The following ST7L variants were observed in gnomAD, a reference collection of about 807,000 sequenced individuals.
ST7L encodes the protein suppression of tumorigenicity 7 like, also known as suppressor of tumorigenicity 7 protein-like.
Under a neutral mutation model 72.5 loss-of-function variants are expected in ST7L, and 57 were observed. The observed-to-expected ratio is 0.79, with a 90% CI of 0.64 to 0.98. The LOEUF (loss-of-function observed/expected upper bound fraction) is 0.98. Among genes scored for constraint, ST7L ranks in the 50% least tolerant of loss-of-function variants. ST7L has a pLI of 0.00. For synonymous variants in ST7L, 221 were observed against 240.9 expected, an observed-to-expected ratio of 0.92 and a Z score of 0.77; for missense variants, 576 against 672.2, an observed-to-expected ratio of 0.86 and a Z score of 1.58.
chr1:112,556,687 A>G (rs1659161911), intron 11 of ST7L, among the ~76,000 whole-genome samples: 1 of 152,126 alleles, frequency 6.6e-6, no homozygotes, highest in South Asian at 2.1e-4. Flanking sequence ...AGGTATACAC[A>G]ATGTACAAGG....
intron 5 of ST7L, among the ~76,000 whole-genome samples, chr1:112,596,579 T>C (rs949438209): frequency 2.0e-5 from 3 of 152,164 alleles, no homozygotes; most frequent in Admixed American, 2.0e-4. Context: ...CCTAGGCAAG[T>C]ATTAGCTATT....
chr1:112,532,018 G>A (rs975868190), intron 14 of ST7L, among the ~76,000 whole-genome samples: 1 of 152,108 alleles, frequency 6.6e-6, no homozygotes, highest in African/African-American at 2.4e-5. Flanking sequence ...TATTACAAGA[G>A]CTAAAATTCA....
Position 112,616,825 on chromosome 1 carries a change from T to C in ST7L, c.276A>G (p.Ser92=). Residue 92 remains serine, a synonymous_variant, in exon 2 of 15, where the codon TCA becomes TCG. Transcript: ENST00000358039. ...VALTGTSSLI[S]GLIFIFEWWY... The stretch of plus-strand genomic sequence containing the variant: ...GGAAACTACTTACAAATATTAGTCC[T>C]GATATCAATGAAGAGGTCCCTGTAA... The C allele has an allele frequency of 4.4e-6, 7 of 1,600,444 alleles. No homozygotes were observed. The highest frequency in any genetic ancestry group is 6.0e-6 in the Non-Finnish European group (7 of 1,172,778).
chr1:112,538,445 C>A (rs746186772), intron 14 of ST7L, among the ~76,000 whole-genome samples: 1 of 152,116 alleles, frequency 6.6e-6, no homozygotes, highest in Non-Finnish European at 1.5e-5. Context: ...CAGGCTCAAG[C>A]GATCCTCCCA....
upstream of ST7L, chr1:112,619,321 G>T: frequency 1.6e-6 from 1 of 607,240 alleles, no homozygotes; most frequent in Non-Finnish European, 2.9e-6. Flanking sequence ...GGGGCGGACA[G>T]CAGCGCCTAT....
intron 2 of ST7L, 138 bp downstream of exon 2, chr1:112,616,675 G>T (rs182423478): frequency 1.7e-5 from 9 of 526,046 alleles, no homozygotes; most frequent in Admixed American, 1.2e-4. Flanking sequence ...CCTGGAAGGC[G>T]GAAGTTGCAG....
intron 11 of ST7L, among the ~76,000 whole-genome samples, chr1:112,560,176 C>T (rs533002455): frequency 6.6e-6 from 1 of 152,068 alleles, no homozygotes; most frequent in East Asian, 2.0e-4. Flanking sequence ...GGGAGGATCA[C>T]GAGGTTAGGA....
At chr1:112,615,213 C>T (rs1463456182) in intron 2 of ST7L, among the ~76,000 whole-genome samples, 1 of 151,922 alleles carries the variant, frequency 6.6e-6, no homozygotes, top group Non-Finnish European at 1.5e-5. Context: ...CCAGGCTGGT[C>T]TCGAACTCTA....
chr1:112,562,691 G>T (rs1227625645), intron 11 of ST7L, among the ~76,000 whole-genome samples: 1 of 152,104 alleles, frequency 6.6e-6, no homozygotes, highest in African/African-American at 2.4e-5. Flanking sequence ...CAAAGAGTAA[G>T]GCTGGAGACA....
intron 8 of ST7L, 28 bp downstream of exon 8, chr1:112,582,347 G>A (rs371882128): frequency 1.1e-5 from 16 of 1,486,230 alleles, no homozygotes; most frequent in Admixed American, 3.5e-5. Context: ...AGGAATAAAT[G>A]TAATAGTCCC....
chr1:112,601,535 G>A (rs892002932), intron 3 of ST7L, among the ~76,000 whole-genome samples: 6 of 151,860 alleles, frequency 4.0e-5, no homozygotes, highest in Admixed American at 2.6e-4. Context: ...GTGAGCCACC[G>A]CGCCTGGCCA....
chr1:112,607,627 G>A (rs1223177795), intron 3 of ST7L: 1 of 151,830 alleles, frequency 6.6e-6, no homozygotes, highest in East Asian at 1.9e-4. Context: ...AGGCAGAATG[G>A]AGTCACGATG....
At chr1:112,551,209 C>T (rs1047080545) in intron 12 of ST7L, among the ~76,000 whole-genome samples, 29 of 125,928 alleles carry the variant, frequency 2.3e-4, no homozygotes, top group African/African-American at 7.8e-4. Context: ...AGTGCAGTGG[C>T]GTGATCTTGG....
intron 14 of ST7L, chr1:112,527,230 C>G (rs1400322233): frequency 6.6e-6 from 1 of 152,328 alleles, no homozygotes; most frequent in Non-Finnish European, 1.5e-5. Flanking sequence ...CAATGTTCAT[C>G]AATCATAGCT....
chr1:112,564,410 T>A (rs1660633703), intron 11 of ST7L, among the ~76,000 whole-genome samples: 1 of 152,170 alleles, frequency 6.6e-6, no homozygotes, highest in Non-Finnish European at 1.5e-5. Flanking sequence ...ACACTTCTCC[T>A]TTGCTCTCTT....
intron 4 of ST7L, among the ~76,000 whole-genome samples, chr1:112,599,777 A>C (rs1470400384): frequency 6.6e-6 from 1 of 152,232 alleles, no homozygotes; most frequent in African/African-American, 2.4e-5. Flanking sequence ...CCAGGGGCCT[A>C]ATACATACTT....
At chr1:112,540,836 A>C (rs199671479) in intron 14 of ST7L, 1 of 1,289,214 alleles carries the variant, frequency 7.8e-7, no homozygotes, top group Non-Finnish European at 1.0e-6. Context: ...GAATATAATT[A>C]ATCAGCATTT....
chr1:112,582,523 CT>C (rs1490301833), intron 7 of ST7L, 51 bp from the exon 8 acceptor site: 1 of 1,094,040 alleles, frequency 9.1e-7, no homozygotes, highest in Non-Finnish European at 1.3e-6. Context: ...GTATTGTGGG[CT>C]GCTATTTCAT....
chr1:112,613,966 G>T (rs1158857237), intron 2 of ST7L, among the ~76,000 whole-genome samples: 3 of 152,130 alleles, frequency 2.0e-5, no homozygotes, highest in Non-Finnish European at 4.4e-5. Context: ...CTGGCCACAA[G>T]CAATCCTCCT....
Sources: allele counts gnomAD v4.1 joint callset (sites outside exome capture counted in the v4.1 genomes callset), GRCh38; gene constraint gnomAD v4.1.1; transcripts MANE v1.5; gene names NCBI Gene and HGNC (gene_info 2026-07-23, HGNC 2026-07-21).